Variants in ADGB observed in about 807,000 individuals in gnomAD.
ADGB encodes the protein calpain-7-like protein.
In ADGB, 172 loss-of-function variants were observed where a neutral mutation model predicts 210.5. That is an observed-to-expected ratio of 0.82 (90% CI 0.72 to 0.93). ADGB has a LOEUF of 0.93. ADGB is among the 40% of genes least tolerant of loss of function. The pLI is 0.00. For missense variants in ADGB, 2,025 were observed against 1,964.8 expected (o/e 1.03, Z -0.58); for synonymous variants, 658 against 662.7 (o/e 0.99, Z 0.11).
intron 25 of ADGB, 55 bp downstream of exon 25, chr6:146,741,326 G>T: frequency 2.0e-6 from 3 of 1,509,608 alleles, no homozygotes; most frequent in Non-Finnish European, 2.7e-6. Flanking sequence ...AAAGCTACCA[G>T]CTTGTAGAGG....
At chr6:146,752,447 AC>A in intron 26 of ADGB, 82 bp from the exon 27 acceptor site, 1 of 1,248,640 alleles carries the variant, frequency 8.0e-7, no homozygotes, top group South Asian at 1.6e-5. Context: ...TTGGGCAGGG[AC>A]ATATATCCAA....
intron 2 of ADGB, among the ~76,000 whole-genome samples, chr6:146,643,229 T>C (rs990071249): frequency 2.0e-5 from 3 of 151,868 alleles, no homozygotes; most frequent in African/African-American, 7.3e-5. Context: ...AAGGTGACAA[T>C]AAACTACATC....
At chr6:146,713,173 G>A (rs1776683110) in intron 13 of ADGB, among the ~76,000 whole-genome samples, 1 of 152,158 alleles carries the variant, frequency 6.6e-6, no homozygotes, top group Admixed American at 6.5e-5. Context: ...AATAGATATT[G>A]GGTTGCATCA....
At chr6:146,632,618 T>C (rs1164590626) in intron 1 of ADGB, among the ~76,000 whole-genome samples, 1 of 152,140 alleles carries the variant, frequency 6.6e-6, no homozygotes, top group African/African-American at 2.4e-5. Flanking sequence ...GACCCTTACA[T>C]ATAGAGTACC....
intron 7 of ADGB, 147 bp from the exon 8 acceptor site, chr6:146,672,073 A>G: frequency 1.8e-5 from 19 of 1,081,056 alleles, no homozygotes; most frequent in Non-Finnish European, 2.5e-5. Flanking sequence ...TCTAATACAT[A>G]ATGCTGTTCT....
At chr6:146,798,820 T>C (rs1778082114) in intron 33 of ADGB, among the ~76,000 whole-genome samples, 1 of 151,932 alleles carries the variant, frequency 6.6e-6, no homozygotes, top group African/African-American at 2.4e-5. Context: ...CAATAATAAA[T>C]ACACGGAAAT....
chr6:146,738,750 G>T (rs1231895505), intron 23 of ADGB, among the ~76,000 whole-genome samples: 1 of 151,962 alleles, frequency 6.6e-6, no homozygotes, highest in African/African-American at 2.4e-5. Context: ...GAGCCACTGC[G>T]CCCGGCCGAA....
rs986022996 is a variant in ADGB, at chr6:146,740,569, C to T, written c.2999C>T (p.Pro1000Leu). Residue 1000 changes from proline (P) to leucine (L), a missense_variant, in exon 24 of 36, where the codon CCA becomes CTA. Physicochemically the swap from Pro to Leu is moderately conservative, Grantham distance 98. Coordinates refer to ENST00000397944, the MANE Select transcript of ADGB (RefSeq NM_024694.4). ...DYTVTYQEQP[P>L]NSWFIVFRET... ...ACTGTGACTTATCAAGAACAGCCAC[C>T]AAATTCTTGGTTTATAGTATTCAGG... 10 of 1,550,706 alleles carry T rather than the reference C, an allele frequency of 6.4e-6. No individual in the cohort carries two copies. Among genetic ancestry groups the T allele is most frequent in the Admixed American group, 2.0e-5 (1 of 50,948 alleles).
intron 1 of ADGB, among the ~76,000 whole-genome samples, chr6:146,632,935 T>G (rs2114856303): frequency 6.6e-6 from 1 of 152,254 alleles, no homozygotes; most frequent in East Asian, 1.9e-4. Flanking sequence ...CCTTAAGTAG[T>G]TATTTTCTTG....
chr6:146,676,695 G>A (rs746178739), intron 9 of ADGB, among the ~76,000 whole-genome samples: 5 of 152,070 alleles, frequency 3.3e-5, no homozygotes, highest in Admixed American at 6.6e-5. Context: ...TCTGCTGGTC[G>A]CTTTCAGGTA....
chr6:146,762,636 G>C (rs1583627261), intron 27 of ADGB, among the ~76,000 whole-genome samples: 1 of 152,044 alleles, frequency 6.6e-6, no homozygotes. Context: ...TCTTTTAATT[G>C]AAAGAGTGTT....
At chr6:146,643,437 C>A (rs1049470549) in intron 2 of ADGB, among the ~76,000 whole-genome samples, 17 of 151,758 alleles carry the variant, frequency 1.1e-4, no homozygotes, top group African/African-American at 4.1e-4. Flanking sequence ...AGTTTATATT[C>A]CTCAGGCATT....
chr6:146,707,475 T>C (rs779518761), intron 13 of ADGB, among the ~76,000 whole-genome samples: 22 of 152,130 alleles, frequency 1.4e-4, no homozygotes, highest in Non-Finnish European at 3.1e-4. Context: ...TCTCTCCCCC[T>C]TTAGATCTAT....
intron 20 of ADGB, among the ~76,000 whole-genome samples, chr6:146,730,431 T>C (rs983901497): frequency 6.6e-6 from 1 of 152,162 alleles, no homozygotes; most frequent in African/African-American, 2.4e-5. Flanking sequence ...ATAAGCAATA[T>C]GTAGTCTTCA....
intron 3 of ADGB, among the ~76,000 whole-genome samples, chr6:146,650,597 C>CAAAAAAAAAAA (rs57913607): frequency 5.5e-5 from 2 of 36,560 alleles, no homozygotes; most frequent in African/African-American, 2.7e-4. Flanking sequence ...TCCCTCCCAC[C>CAAAAAAAAAAA]AAAAAAAAAA....
chr6:146,633,242 C>G (rs998385998), intron 1 of ADGB, among the ~76,000 whole-genome samples: 4 of 152,182 alleles, frequency 2.6e-5, no homozygotes, highest in Non-Finnish European at 5.9e-5. Flanking sequence ...TTCTTGCCTT[C>G]TCTTCAGTCA....
intron 33 of ADGB, among the ~76,000 whole-genome samples, chr6:146,798,264 CG>C (rs1331740455): frequency 6.6e-6 from 1 of 152,040 alleles, no homozygotes; most frequent in African/African-American, 2.4e-5. Context: ...TAGAAGACAA[CG>C]TAAATAGATT....
At chr6:146,792,650 C>T (rs1227574657) in intron 33 of ADGB, among the ~76,000 whole-genome samples, 1 of 151,898 alleles carries the variant, frequency 6.6e-6, no homozygotes, top group Non-Finnish European at 1.5e-5. Context: ...TTTTGGCCAT[C>T]AGAGTCTTTG....
chr6:146,717,496 C>A, intron 15 of ADGB, 40 bp from the exon 16 acceptor site: 2 of 1,131,190 alleles, frequency 1.8e-6, no homozygotes, highest in South Asian at 3.0e-5. Flanking sequence ...TAGTCTTTGC[C>A]TATAATGACA....
Sources: allele counts gnomAD v4.1 joint callset (sites outside exome capture counted in the v4.1 genomes callset), GRCh38; gene constraint gnomAD v4.1.1; transcripts MANE v1.5; gene names NCBI Gene and HGNC (gene_info 2026-07-23, HGNC 2026-07-21).